Variants in AFMID observed in about 807,000 individuals in gnomAD.
AFMID encodes arylformamidase, also known as kynurenine formamidase.
A neutral mutation model predicts 47.5 loss-of-function variants in AFMID; 39 were observed. That is an observed-to-expected ratio of 0.82 (90% CI 0.64 to 1.07). The LOEUF is 1.07. AFMID is among the 50% of genes least tolerant of loss of function. AFMID has a pLI of 0.00. For synonymous variants in AFMID, 130 were observed against 153.2 expected, an observed-to-expected ratio of 0.85 and a Z score of 1.12; for missense variants, 375 against 387.5, an observed-to-expected ratio of 0.97 and a Z score of 0.27.
At chr17:78,201,759 C>G (rs1429804575) in intron 2 of AFMID, among the ~76,000 whole-genome samples, 1 of 151,898 alleles carries the variant, frequency 6.6e-6, no homozygotes, top group Non-Finnish European at 1.5e-5. Flanking sequence ...GAGTTGGCGT[C>G]TCGCTCTGTC....
chr17:78,187,442 A>G lies in AFMID; in HGVS notation c.63+9A>G. 6.2e-7 allele frequency: 1 copy of G among 1,613,680 alleles called. No homozygotes were observed. Among genetic ancestry groups the G allele is most frequent in the South Asian group, 1.1e-5 (1 of 91,068 alleles). The stretch of plus-strand genomic sequence containing the variant: ...AGAAGATGTCTGCAGAGGTAGGTGG[A>G]TTGCAGGGAGGGACTAAGGGGCTGG... On this transcript the variant is annotated intron_variant, in intron 1 of 10. Transcript: ENST00000409257.
intron 2 of AFMID, among the ~76,000 whole-genome samples, chr17:78,191,276 C>T (rs896969848): frequency 6.6e-6 from 1 of 152,140 alleles, no homozygotes; most frequent in Non-Finnish European, 1.5e-5. Context: ...CGGGGGAGGT[C>T]CACGGCTCAG....
chr17:78,195,438 G>A (rs189249702), intron 2 of AFMID, among the ~76,000 whole-genome samples: 14 of 151,608 alleles, frequency 9.2e-5, no homozygotes, highest in African/African-American at 2.7e-4. Flanking sequence ...CAGGTGATCC[G>A]CCTGCCTCGA....
chr17:78,194,229 C>A lies in AFMID; in HGVS notation c.154+3169C>A, dbSNP rs1010880628. On this transcript the variant is annotated intron_variant, in intron 2 of 10. Coordinates refer to ENST00000409257, the MANE Select transcript of AFMID (RefSeq NM_001010982.5). ...GGGTTCAAGCCATTCTTGTGTCTCA[C>A]ATTCTTGTGTTTCAGCCTCCCGAGT... 5.9e-5 allele frequency among the ~76,000 whole-genome samples: 9 copies of A among 151,514 alleles called. No individual in the cohort carries two copies. In the South Asian group the frequency reaches 1.9e-3, roughly 32 times the overall value.
chr17:78,203,115 C>T (rs1193786886), intron 4 of AFMID: 4 of 202,848 alleles, frequency 2.0e-5, no homozygotes, highest in Non-Finnish European at 3.9e-5. Context: ...GACTGGAACG[C>T]AGTGGTGCGA....
chr17:78,202,943 T>C, intron 4 of AFMID, 192 bp downstream of exon 4: 1 of 663,866 alleles, frequency 1.5e-6, no homozygotes, highest in Non-Finnish European at 2.6e-6. Flanking sequence ...CTTCCTGCCT[T>C]CTCCAGCTTC....
intron 4 of AFMID, 139 bp downstream of exon 4, chr17:78,202,890 G>A (rs1018378399): frequency 2.5e-5 from 27 of 1,079,792 alleles, no homozygotes; most frequent in South Asian, 7.3e-5. Flanking sequence ...GCTGGAGAAC[G>A]GAAGTCTCAA....
chr17:78,205,750 G>A lies in AFMID; in HGVS notation c.780+12G>A, dbSNP rs759464871. On this transcript the variant is annotated intron_variant, in intron 9 of 10. Coordinates refer to ENST00000409257, the MANE Select transcript of AFMID (RefSeq NM_001010982.5). ...GGGAGTTTTACCAGGTACTCCCAGT[G>A]CAGGTTTGTGGCCAGAGGTCGAGGG... 52 of 1,607,690 alleles carry A rather than the reference G, an allele frequency of 3.2e-5. No individual in the cohort carries two copies. The South Asian group carries it at 5.5e-4, about 17-fold the overall frequency.
intron 1 of AFMID, 86 bp downstream of exon 1, chr17:78,187,519 G>GCC: frequency 6.0e-6 from 9 of 1,498,746 alleles, no homozygotes; most frequent in Non-Finnish European, 8.3e-6. Flanking sequence ...AAGCTTAGAA[G>GCC]CCGTCTAGAG....
chr17:78,203,474 T>G (rs1265464826), intron 4 of AFMID: 1 of 151,928 alleles, frequency 6.6e-6, no homozygotes, highest in Non-Finnish European at 1.5e-5. Flanking sequence ...GAGAAGCATG[T>G]TCAGCCTCCT....
chr17:78,204,758 C>T lies in AFMID; in HGVS notation c.394+17C>T. The T allele has an allele frequency of 1.4e-5, 23 of 1,614,176 alleles. No homozygotes were observed. Among genetic ancestry groups the T allele is most frequent in the Non-Finnish European group, 1.9e-5 (23 of 1,180,024 alleles). On this transcript the variant is annotated intron_variant, in intron 5 of 10. Coordinates refer to ENST00000409257, the MANE Select transcript of AFMID (RefSeq NM_001010982.5). ...CCCCCAAAGGTAATAGGAGTGGTTG[C>T]TGCAGGTCCGAGGGCCGGTGGGCTT...
Position 78,192,148 on chromosome 17 carries a change from G to A in AFMID, c.154+1088G>A, listed in dbSNP as rs369265125. Among the ~76,000 whole-genome samples, 112 of 150,642 alleles carry A rather than the reference G, an allele frequency of 7.4e-4. 2 individuals carry two copies. The highest frequency in any genetic ancestry group is 7.4e-3 in the South Asian group (35 of 4,740). The stretch of plus-strand genomic sequence containing the variant: ...TGAGTAGCTGGGATTACAGGCATGC[G>A]CCACCACGCCCTGCTAAGTGTTTTG... On this transcript the variant is annotated intron_variant, in intron 2 of 10. Transcript: ENST00000409257.
At chr17:78,197,471 G>A (rs1356834734) in intron 2 of AFMID, 5 of 393,340 alleles carry the variant, frequency 1.3e-5, no homozygotes, top group Non-Finnish European at 1.8e-5. Context: ...CTGCAGCCCT[G>A]GGGCTTATCA....
chr17:78,202,896 C>G (rs1316496778), intron 4 of AFMID, 145 bp downstream of exon 4: 1 of 1,038,304 alleles, frequency 9.6e-7, no homozygotes, highest in Non-Finnish European at 1.4e-6. Flanking sequence ...GAACGGAAGT[C>G]TCAAGTCAAA....
intron 1 of AFMID, chr17:78,190,681 C>T (rs918162800): frequency 7.3e-5 from 25 of 340,920 alleles, no homozygotes; most frequent in East Asian, 1.2e-4. Context: ...CGTGAGCCAC[C>T]GGGCCACCTG....
At chr17:78,204,980 C>A in intron 6 of AFMID, 80 bp downstream of exon 6, 2 of 1,587,646 alleles carry the variant, frequency 1.3e-6, no homozygotes, top group Non-Finnish European at 1.7e-6. Flanking sequence ...AGGATACAGC[C>A]AAGCTGCCCC....
intron 1 of AFMID, 37 bp from the exon 2 acceptor site, chr17:78,190,933 G>A (rs1379463995): frequency 6.3e-7 from 1 of 1,596,644 alleles, no homozygotes; most frequent in Admixed American, 1.7e-5. Flanking sequence ...CTGTTGAGAA[G>A]GAAAGTCTTA....
chr17:78,199,668 C>CGGCCA (rs1346600560), intron 2 of AFMID, among the ~76,000 whole-genome samples: 1 of 120,544 alleles, frequency 8.3e-6, no homozygotes. Context: ...CCGCCGCGCC[C>CGGCCA]GGCCAGGCTT....
At position 78,205,126 on chromosome 17, in the gene AFMID, C is replaced by T. The variant is rs1469445212; in HGVS notation, c.501C>T (p.Ala167=). ...ACCTGTGTGGACACTCAGCCGGGGC[C>T]CACCTGGCTGCCATGATGCTCCTGG... The part of the protein sequence containing the change: ...GIYLCGHSAG[A]HLAAMMLLAD... The change falls in exon 7 of 11, where the codon GCC becomes GCT. Residue 167 remains alanine (A), a synonymous_variant. Coordinates refer to ENST00000409257, the MANE Select transcript of AFMID (RefSeq NM_001010982.5). The T allele has an allele frequency of 1.9e-6, 3 of 1,612,642 alleles. No homozygotes were observed. The highest frequency in any genetic ancestry group is 1.3e-5 in the African/African-American group (1 of 74,918).
Sources: allele counts gnomAD v4.1 joint callset (sites outside exome capture counted in the v4.1 genomes callset), GRCh38; gene constraint gnomAD v4.1.1; transcripts MANE v1.5; gene names NCBI Gene and HGNC (gene_info 2026-07-23, HGNC 2026-07-21).